HS6ST3: variants seen among roughly 807,000 people sequenced by gnomAD.
The protein encoded by HS6ST3 is heparan sulfate 6-O-sulfotransferase 3, also known as heparan-sulfate 6-O-sulfotransferase 3.
A neutral mutation model predicts 36.7 loss-of-function variants in HS6ST3; 12 were observed. The observed-to-expected ratio is 0.33, with a 90% CI of 0.21 to 0.53. The LOEUF (loss-of-function observed/expected upper bound fraction) is 0.53. Ranked by LOEUF, HS6ST3 falls within the 20% of genes least tolerant of loss-of-function variation. The pLI, the probability that HS6ST3 is intolerant of heterozygous loss-of-function variation, is 0.95. For synonymous variants in HS6ST3, 240 were observed against 257.5 expected, an observed-to-expected ratio of 0.93 and a Z score of 0.65; for missense variants, 584 against 640.9, an observed-to-expected ratio of 0.91 and a Z score of 0.96.
intron 1 of HS6ST3, among the ~76,000 whole-genome samples, chr13:96,318,175 A>G (rs1347308508): frequency 6.6e-6 from 1 of 152,128 alleles, no homozygotes; most frequent in African/African-American, 2.4e-5. Flanking sequence ...GAGTTTTTAT[A>G]GTTTGAGATC....
chr13:96,637,021 A>C (rs940306615), intron 1 of HS6ST3, among the ~76,000 whole-genome samples: 1 of 152,168 alleles, frequency 6.6e-6, no homozygotes, highest in Non-Finnish European at 1.5e-5. Context: ...AAAAAAAAAG[A>C]ATACAAGTGT....
In HS6ST3 at chr13:96,141,100, A is replaced by C. The variant is rs144900839; in HGVS notation, c.707+49531A>C. Among the ~76,000 whole-genome samples, 6 of 152,188 alleles carry C rather than the reference A, an allele frequency of 3.9e-5. No individual in the cohort carries two copies. The East Asian group carries it at 7.7e-4, about 20-fold the overall frequency. ...ATGTCACAAAAGATATGTATTAGGA[A>C]GAGAAGGGATTTAAGACAGGAAAAG... is the stretch of plus-strand genomic sequence containing the variant. On this transcript the variant is annotated intron_variant, in intron 1 of 1. Transcript: ENST00000376705.
intron 1 of HS6ST3, among the ~76,000 whole-genome samples, chr13:96,469,319 A>C (rs1191768719): frequency 2.0e-5 from 3 of 151,232 alleles, no homozygotes; most frequent in African/African-American, 7.3e-5. Context: ...TTTTTTGATC[A>C]ATGCTGGGAC....
rs1334460735 is a variant in HS6ST3 at position 96,664,253 on chromosome 13, GAAAT to G, written c.708-168234_708-168231del. On this transcript the variant is annotated intron_variant, in intron 1 of 1. Transcript: ENST00000376705. ...ACCCATGCATGCTGTGTGTATGTAA[GAAAT>G]AAGATAATTCATAGAAACAGCTTTG... is the stretch of plus-strand genomic sequence containing the variant. Among the ~76,000 whole-genome samples, 7 of 152,150 alleles carry G rather than the reference GAAAT, an allele frequency of 4.6e-5. No homozygotes were observed. In the East Asian group the frequency reaches 1.3e-3, roughly 29 times the overall value.
At chr13:96,773,917 A>G (rs1245860742) in intron 1 of HS6ST3, among the ~76,000 whole-genome samples, 1 of 152,174 alleles carries the variant, frequency 6.6e-6, no homozygotes, top group African/African-American at 2.4e-5. Flanking sequence ...CAGACACCTC[A>G]TACAGGATAG....
chr13:96,777,976 A>T (rs571157056), intron 1 of HS6ST3, among the ~76,000 whole-genome samples: 24 of 152,292 alleles, frequency 1.6e-4, no homozygotes, highest in Middle Eastern at 3.4e-3. Context: ...CAAAACAGAT[A>T]TATAGACCAA....
At chr13:96,567,159 TTC>T (rs753837411) in intron 1 of HS6ST3, among the ~76,000 whole-genome samples, 3 of 152,104 alleles carry the variant, frequency 2.0e-5, no homozygotes, top group Non-Finnish European at 4.4e-5. Flanking sequence ...TCTTTTTTTC[TTC>T]TCTTTTTTCT....
At chr13:96,555,362 G>A (rs1340611586) in intron 1 of HS6ST3, among the ~76,000 whole-genome samples, 1 of 152,060 alleles carries the variant, frequency 6.6e-6, no homozygotes, top group African/African-American at 2.4e-5. Context: ...TAATTCTTCA[G>A]GACCAGTGGT....
intron 1 of HS6ST3, among the ~76,000 whole-genome samples, chr13:96,546,281 C>T (rs549208226): frequency 6.8e-4 from 103 of 152,080 alleles, no homozygotes; most frequent in African/African-American, 2.4e-3. Flanking sequence ...CTTTAGGGCC[C>T]TTCAGAAAAT....
chr13:96,251,778 T>A (rs985830660), intron 1 of HS6ST3, among the ~76,000 whole-genome samples: 1 of 152,138 alleles, frequency 6.6e-6, no homozygotes, highest in African/African-American at 2.4e-5. Context: ...CTCAAGATAT[T>A]TTTTGATTTC....
intron 1 of HS6ST3, among the ~76,000 whole-genome samples, chr13:96,290,732 G>C (rs1054416322): frequency 6.6e-6 from 1 of 152,264 alleles, no homozygotes. Flanking sequence ...CCTTGGCTCA[G>C]AACCCACCTA....
intron 1 of HS6ST3, among the ~76,000 whole-genome samples, chr13:96,711,929 T>G (rs1875572675): frequency 6.6e-6 from 1 of 152,226 alleles, no homozygotes; most frequent in African/African-American, 2.4e-5. Context: ...AGAATGACAT[T>G]GAATATGGTT....
chr13:96,098,065 GCTTATTGGA>G (rs1399448509), intron 1 of HS6ST3, among the ~76,000 whole-genome samples: 3 of 152,206 alleles, frequency 2.0e-5, no homozygotes, highest in Admixed American at 6.5e-5. Flanking sequence ...GGAGACCAGA[GCTTATTGGA>G]CTTATTGGAC....
chr13:96,264,644 G>A (rs923590277), intron 1 of HS6ST3, among the ~76,000 whole-genome samples: 3 of 152,190 alleles, frequency 2.0e-5, no homozygotes, highest in Non-Finnish European at 4.4e-5. Context: ...ATAAACGTAT[G>A]TAACTTCTAT....
intron 1 of HS6ST3, among the ~76,000 whole-genome samples, chr13:96,286,050 T>C (rs1003456119): frequency 7.0e-6 from 1 of 143,762 alleles, no homozygotes; most frequent in Non-Finnish European, 1.5e-5. Context: ...TCTTCCTCTC[T>C]TTTTCTCTTT....
At chr13:96,215,768 C>T (rs2054422819) in intron 1 of HS6ST3, among the ~76,000 whole-genome samples, 1 of 151,746 alleles carries the variant, frequency 6.6e-6, no homozygotes, top group Admixed American at 6.6e-5. Context: ...AGGATATGGG[C>T]TATGGAGTAA....
chr13:96,459,127 A>AAAAAAAAAAAAAAAAATT (rs2055769642), intron 1 of HS6ST3, among the ~76,000 whole-genome samples: 1 of 141,780 alleles, frequency 7.1e-6, no homozygotes, highest in Non-Finnish European at 1.5e-5. Flanking sequence ...AAAAAAAAAG[A>AAAAAAAAAAAAAAAAATT]GGTGACATGA....
chr13:96,555,088 T>TATACATACATAC (rs36026016), intron 1 of HS6ST3, among the ~76,000 whole-genome samples: 7 of 151,006 alleles, frequency 4.6e-5, no homozygotes, highest in Admixed American at 6.6e-5. Flanking sequence ...TCAATACATA[T>TATACATACATAC]ATACATACAT....
chr13:96,581,134 A>G (rs576116805), intron 1 of HS6ST3, among the ~76,000 whole-genome samples: 1 of 152,306 alleles, frequency 6.6e-6, no homozygotes, highest in South Asian at 2.1e-4. Flanking sequence ...ATACTAGTAT[A>G]CCATTTGAAA....
Sources: allele counts gnomAD v4.1 joint callset (sites outside exome capture counted in the v4.1 genomes callset), GRCh38; gene constraint gnomAD v4.1.1; transcripts MANE v1.5; gene names NCBI Gene and HGNC (gene_info 2026-07-23, HGNC 2026-07-21).